Variants in ANKHD1 observed in about 807,000 individuals in gnomAD.
ANKHD1 encodes ankyrin repeat and KH domain containing 1.
A neutral mutation model predicts 230.5 loss-of-function variants in ANKHD1; 31 were observed. That is an observed-to-expected ratio of 0.13 (90% CI 0.10 to 0.18). The LOEUF (loss-of-function observed/expected upper bound fraction) is 0.18. Ranked by LOEUF, ANKHD1 falls within the 10% of genes least tolerant of loss-of-function variation. The pLI is 1.00. For missense variants in ANKHD1, 2,256 were observed against 3,071.3 expected (o/e 0.73, Z 6.27); for synonymous variants, 1,074 against 1,117.6 (o/e 0.96, Z 0.78).
intron 1 of ANKHD1, among the ~76,000 whole-genome samples, chr5:140,408,573 C>T (rs1341296347): frequency 6.6e-6 from 1 of 152,136 alleles, no homozygotes; most frequent in Non-Finnish European, 1.5e-5. Context: ...CTTTTAACAT[C>T]AAAAGCAAAA....
chr5:140,493,694 T>C (rs1475450987), intron 14 of ANKHD1, among the ~76,000 whole-genome samples: 1 of 152,216 alleles, frequency 6.6e-6, no homozygotes, highest in Non-Finnish European at 1.5e-5. Context: ...ATGGCTATTT[T>C]GAGATGAACC....
chr5:140,538,664 T>C (rs954024374), intron 32 of ANKHD1, among the ~76,000 whole-genome samples: 1 of 152,266 alleles, frequency 6.6e-6, no homozygotes, highest in Non-Finnish European at 1.5e-5. Context: ...GAGGTTATTT[T>C]TATCAAATAT....
At chr5:140,414,618 G>A (rs1334705659) in intron 1 of ANKHD1, among the ~76,000 whole-genome samples, 3 of 152,100 alleles carry the variant, frequency 2.0e-5, no homozygotes, top group African/African-American at 7.2e-5. Flanking sequence ...GATCATCTGA[G>A]CCCAGGAGTT....
chr5:140,497,874 ACAC>A (rs1310999859), intron 15 of ANKHD1, among the ~76,000 whole-genome samples: 11 of 118,478 alleles, frequency 9.3e-5, no homozygotes, highest in Non-Finnish European at 1.4e-4. Context: ...CAACCACACC[ACAC>A]CACACACACA....
At position 140,528,284 on chromosome 5, in the gene ANKHD1, A is replaced by G; in HGVS notation, c.5338A>G (p.Arg1780Gly). 6.2e-7 allele frequency: 1 copy of G among 1,614,084 alleles called. No individual in the cohort carries two copies. The highest frequency in any genetic ancestry group is 8.5e-7 in the Non-Finnish European group (1 of 1,180,008). The stretch of plus-strand genomic sequence containing the variant: ...AGACTTGATTCCTAAAAATCATATC[A>G]GAACACCTGCCAGCACCAAATCAAT... ...LEDLIPKNHI[R>G]TPASTKSIHA... Residue 1780 changes from arginine (R) to glycine (G), a missense_variant, in exon 29 of 34, where the codon AGA (arginine) becomes GGA (glycine). Transcript: ENST00000360839.
chr5:140,519,252 C>A (rs1327277830), intron 24 of ANKHD1, among the ~76,000 whole-genome samples: 1 of 152,132 alleles, frequency 6.6e-6, no homozygotes, highest in Non-Finnish European at 1.5e-5. Flanking sequence ...AGGAGAACTA[C>A]AAACCACTGC....
chr5:140,446,877 C>T (rs538154261), intron 6 of ANKHD1, among the ~76,000 whole-genome samples: 67 of 151,958 alleles, frequency 4.4e-4, no homozygotes, highest in Non-Finnish European at 8.7e-4. Flanking sequence ...TTTTTCATCT[C>T]AATAAATATT....
intron 1 of ANKHD1, among the ~76,000 whole-genome samples, chr5:140,417,698 C>A (rs781754311): frequency 9.2e-5 from 14 of 152,124 alleles, no homozygotes; most frequent in Non-Finnish European, 1.5e-4. Context: ...AAGCAGTCTG[C>A]CTGCGTCGGC....
intron 5 of ANKHD1, 87 bp downstream of exon 5, chr5:140,441,229 C>G: frequency 7.2e-7 from 1 of 1,381,924 alleles, no homozygotes; most frequent in Non-Finnish European, 9.4e-7. Flanking sequence ...CTGAGGAAAA[C>G]CAGTATAAAC....
intron 1 of ANKHD1, among the ~76,000 whole-genome samples, chr5:140,426,524 A>ATTTT (rs1267959281): frequency 1.7e-4 from 25 of 150,924 alleles, no homozygotes; most frequent in Middle Eastern, 7.0e-3. Context: ...TTATTTATTT[A>ATTTT]TTTATTTTTT....
chr5:140,407,724 T>C (rs1401272501), intron 1 of ANKHD1, among the ~76,000 whole-genome samples: 2 of 152,202 alleles, frequency 1.3e-5, no homozygotes, highest in Non-Finnish European at 2.9e-5. Context: ...ATTTTAGAAT[T>C]GTGGTCTTTT....
At chr5:140,465,702 G>T (rs1349624231) in intron 10 of ANKHD1, among the ~76,000 whole-genome samples, 2 of 152,160 alleles carry the variant, frequency 1.3e-5, no homozygotes, top group African/African-American at 4.8e-5. Flanking sequence ...TAAATGTGTA[G>T]TATGATTGTT....
intron 1 of ANKHD1, among the ~76,000 whole-genome samples, chr5:140,404,508 C>T (rs1581192582): frequency 6.6e-6 from 1 of 151,876 alleles, no homozygotes; most frequent in African/African-American, 2.4e-5. Flanking sequence ...TCTTGGCTCA[C>T]TGCAACCCCC....
At chr5:140,516,123 C>T (rs574102425) in intron 24 of ANKHD1, among the ~76,000 whole-genome samples, 1 of 152,160 alleles carries the variant, frequency 6.6e-6, no homozygotes, top group African/African-American at 2.4e-5. Flanking sequence ...AGCTGAAAAC[C>T]AAGGCTCGAG....
At chr5:140,431,198 G>A (rs1773017961) in intron 1 of ANKHD1, among the ~76,000 whole-genome samples, 4 of 152,164 alleles carry the variant, frequency 2.6e-5, no homozygotes, top group Admixed American at 2.6e-4. Context: ...AAATCTGATT[G>A]ATACAAATGT....
At chr5:140,421,346 G>A (rs544765988) in intron 1 of ANKHD1, among the ~76,000 whole-genome samples, 1 of 146,648 alleles carries the variant, frequency 6.8e-6, no homozygotes, top group East Asian at 2.0e-4. Flanking sequence ...TGTCGCCCAG[G>A]CTGGCGTGCA....
At position 140,507,078 on chromosome 5, in the gene ANKHD1, A is replaced by G; in HGVS notation, c.3551+101A>G. The G allele has an allele frequency of 6.6e-7, 1 of 1,507,124 alleles. No homozygotes were observed. Among genetic ancestry groups the G allele is most frequent in the Non-Finnish European group, 8.8e-7 (1 of 1,133,886 alleles). The allele number at this position is 1,507,124 out of a possible 1,614,324, so 93.4% of individuals were successfully genotyped here. On this transcript the variant is annotated intron_variant, in intron 19 of 33. Transcript: ENST00000360839. The surrounding 1 kb of genome is among the most constrained non-coding windows in gnomAD (Gnocchi z 4.1). ...AGACAGATACATTTTAAATTAAGAT[A>G]GTACTAAAGTTGCAAAGCCAACGAT...
intron 22 of ANKHD1, among the ~76,000 whole-genome samples, chr5:140,512,430 C>G (rs747300880): frequency 1.5e-4 from 23 of 152,066 alleles, no homozygotes; most frequent in Admixed American, 3.9e-4. Flanking sequence ...TATTTTAGGA[C>G]TCATTTCCCT....
Position 140,485,678 on chromosome 5 carries a change from A to G in ANKHD1, c.2088A>G (p.Ser696=), listed in dbSNP as rs1751472741. Residue 696 remains serine, a synonymous_variant, in exon 13 of 34, where the codon TCA becomes TCG. Transcript: ENST00000360839. This position sits in a 1 kb window ranked among gnomAD's most constrained non-coding sequence, Gnocchi z 4.8. Reference sequence around the variant, plus strand: ...TGGATTATCCAAATAATGTTCTGTCAGTTCCCACCACAGATGTGTCTCAGC... The same window carrying G: ...TGGATTATCCAAATAATGTTCTGTCGGTTCCCACCACAGATGTGTCTCAGC... ...YLLDYPNNVL[S]VPTTDVSQLP... is the part of the protein sequence containing the mutation. 2 of 1,614,090 alleles carry G rather than the reference A, an allele frequency of 1.2e-6. No homozygotes were observed. The highest frequency in any genetic ancestry group is 1.7e-6 in the Non-Finnish European group (2 of 1,179,980).
Sources: gnomAD v4.1 joint callset for allele counts (sites outside exome capture counted in the v4.1 genomes callset) on GRCh38, gnomAD v4.1.1 for gene constraint, Gnocchi (gnomAD v3.1) non-coding constraint, MANE v1.5 for transcripts, NCBI Gene and HGNC (gene_info 2026-07-23, HGNC 2026-07-21) for gene names.